The following FMN2 variants were observed in gnomAD, a reference collection of about 807,000 sequenced individuals.
FMN2 encodes formin-2.
A neutral mutation model predicts 142.3 loss-of-function variants in FMN2; 51 were observed. The ratio of observed to expected loss-of-function variants is 0.36; its 90% CI spans 0.29 to 0.45. The LOEUF is 0.45. Among genes scored for constraint, FMN2 ranks in the 20% least tolerant of loss-of-function variants. FMN2 has a pLI of 1.00. For missense variants in FMN2, 1,936 were observed against 2,122.8 expected, an observed-to-expected ratio of 0.91 and a Z score of 1.73; for synonymous variants, 882 against 869.8, an observed-to-expected ratio of 1.01 and a Z score of -0.25.
intron 7 of FMN2, among the ~76,000 whole-genome samples, chr1:240,264,909 C>T (rs1186561211): frequency 6.6e-6 from 1 of 152,024 alleles, no homozygotes; most frequent in Admixed American, 6.6e-5. Context: ...TAAAATTGTC[C>T]AGAAGAGGGG....
intron 10 of FMN2, among the ~76,000 whole-genome samples, chr1:240,330,126 G>C (rs938139383): frequency 6.6e-6 from 1 of 152,120 alleles, no homozygotes; most frequent in African/African-American, 2.4e-5. Context: ...GAGCTCTTTG[G>C]GGGTAAACCT....
chr1:240,413,120 C>CAAAAAAAAAAAAAAAAA (rs35590068), intron 15 of FMN2, among the ~76,000 whole-genome samples: 1 of 24,566 alleles, frequency 4.1e-5, no homozygotes, highest in Non-Finnish European at 7.8e-5. Flanking sequence ...GAGACTCTGT[C>CAAAAAAAAAAAAAAAAA]AAAAAAAAAA....
chr1:240,168,293 A>C (rs949029555), intron 2 of FMN2, among the ~76,000 whole-genome samples: 3 of 152,314 alleles, frequency 2.0e-5, no homozygotes, highest in Admixed American at 2.0e-4. Context: ...GAGTTAAAAT[A>C]AATGGACATC....
At chr1:240,179,558 A>G (rs1665068431) in intron 3 of FMN2, 1 of 152,154 alleles carries the variant, frequency 6.6e-6, no homozygotes, top group Non-Finnish European at 1.5e-5. Context: ...GTTTATCGTA[A>G]CACTTACAGA....
intron 15 of FMN2, among the ~76,000 whole-genome samples, chr1:240,396,571 C>T (rs909005765): frequency 2.6e-5 from 4 of 151,944 alleles, no homozygotes; most frequent in East Asian, 1.9e-4. Context: ...AGGTATTGAG[C>T]GTAGTACTCA....
At chr1:240,329,034 T>C in intron 8 of FMN2, 42 bp from the exon 9 acceptor site, 1 of 1,558,690 alleles carries the variant, frequency 6.4e-7, no homozygotes, top group Non-Finnish European at 8.8e-7. Flanking sequence ...AGGGATTCAG[T>C]TGGCCAGACT....
chr1:240,321,989 A>C (rs80014748), intron 8 of FMN2, among the ~76,000 whole-genome samples: 200 of 152,314 alleles, frequency 1.3e-3, no homozygotes, highest in Admixed American at 2.3e-3. Context: ...TTATAAGTTG[A>C]AAATATCTTT....
chr1:240,100,584 ATAAGATGCTAACC>A (rs1661378482), intron 1 of FMN2, among the ~76,000 whole-genome samples: 2 of 152,242 alleles, frequency 1.3e-5, no homozygotes, highest in African/African-American at 4.8e-5. Flanking sequence ...GGATGCTATA[ATAAGATGCTAACC>A]ACACTAGAGA....
intron 6 of FMN2, among the ~76,000 whole-genome samples, chr1:240,239,949 T>G (rs1667834638): frequency 1.3e-5 from 2 of 152,372 alleles, no homozygotes; most frequent in African/African-American, 4.8e-5. Flanking sequence ...GGTTGTTATT[T>G]GTTTTTCATA....
At chr1:240,294,945 G>A (rs1301394057) in intron 8 of FMN2, 62 bp downstream of exon 8, 2 of 1,400,058 alleles carry the variant, frequency 1.4e-6, no homozygotes, top group South Asian at 1.3e-5. Flanking sequence ...ATGTCTATGT[G>A]CACATATAGG....
chr1:240,132,466 A>G (rs969412115), intron 2 of FMN2, among the ~76,000 whole-genome samples: 1 of 152,152 alleles, frequency 6.6e-6, no homozygotes, highest in Non-Finnish European at 1.5e-5. Context: ...TCAGAGGTGG[A>G]GGTGTTCTAC....
intron 1 of FMN2, among the ~76,000 whole-genome samples, chr1:240,105,052 G>A (rs1376177584): frequency 1.3e-5 from 2 of 148,628 alleles, no homozygotes. Flanking sequence ...TTTTATTTGA[G>A]TAGGTACTGT....
intron 4 of FMN2, among the ~76,000 whole-genome samples, chr1:240,197,194 T>C (rs1212118193): frequency 6.6e-6 from 1 of 152,168 alleles, no homozygotes; most frequent in African/African-American, 2.4e-5. Flanking sequence ...ACCTACATCA[T>C]GAAACCTCCA....
chr1:240,304,492 A>G (rs1298236698), intron 8 of FMN2, among the ~76,000 whole-genome samples: 2 of 152,102 alleles, frequency 1.3e-5, no homozygotes, highest in East Asian at 3.8e-4. Context: ...TTCCCGATAT[A>G]TATACAGTTG....
intron 8 of FMN2, among the ~76,000 whole-genome samples, chr1:240,305,648 A>G (rs1422499855): frequency 6.6e-6 from 1 of 152,218 alleles, no homozygotes; most frequent in Non-Finnish European, 1.5e-5. Context: ...AAATGCTACT[A>G]TAGTGCAGTC....
intron 7 of FMN2, among the ~76,000 whole-genome samples, chr1:240,291,390 T>C (rs1284914925): frequency 2.0e-5 from 3 of 151,976 alleles, no homozygotes; most frequent in East Asian, 1.9e-4. Context: ...GGGGTGGGAA[T>C]TGTAAAGAGT....
intron 16 of FMN2, among the ~76,000 whole-genome samples, chr1:240,467,277 C>CT (rs35875922): frequency 1.3e-3 from 179 of 140,924 alleles, no homozygotes; most frequent in African/African-American, 1.4e-3. Context: ...TAAATCGTTC[C>CT]TTTTTTTTTT....
chr1:240,098,134 T>G (rs890540196), intron 1 of FMN2, among the ~76,000 whole-genome samples: 21 of 145,334 alleles, frequency 1.4e-4, no homozygotes, highest in African/African-American at 5.2e-4. Context: ...CAGATTTCAC[T>G]CTTGTCGCCA....
intron 1 of FMN2, among the ~76,000 whole-genome samples, chr1:240,114,364 T>A (rs1479874621): frequency 6.6e-6 from 1 of 152,208 alleles, no homozygotes; most frequent in Non-Finnish European, 1.5e-5. Flanking sequence ...AATTGGTTCA[T>A]GCTGAGTTCT....
Sources: gnomAD v4.1 joint callset for allele counts (sites outside exome capture counted in the v4.1 genomes callset) on GRCh38, gnomAD v4.1.1 for gene constraint, MANE v1.5 for transcripts, NCBI Gene and HGNC (gene_info 2026-07-23, HGNC 2026-07-21) for gene names.